Variants in DGKB observed in about 807,000 individuals in gnomAD.
DGKB encodes 90 kDa diacylglycerol kinase.
Under a neutral mutation model 114.3 loss-of-function variants are expected in DGKB, and 67 were observed. That is an observed-to-expected ratio of 0.59 (90% CI 0.48 to 0.72). The LOEUF is 0.72. DGKB is among the 30% of genes least tolerant of loss of function. DGKB has a pLI of 0.00. For missense variants in DGKB, 907 were observed against 975.2 expected (o/e 0.93, Z 0.93); for synonymous variants, 398 against 323.1 (o/e 1.23, Z -2.49).
chr7:14,722,694 C>A (rs2128362625), intron 5 of DGKB, among the ~76,000 whole-genome samples: 1 of 151,404 alleles, frequency 6.6e-6, no homozygotes, highest in East Asian at 1.9e-4. Context: ...TGCTTGTAGT[C>A]CCAGATACTT....
chr7:14,655,459 T>A (rs1815574851), intron 13 of DGKB, among the ~76,000 whole-genome samples: 1 of 151,782 alleles, frequency 6.6e-6, no homozygotes, highest in Admixed American at 6.6e-5. Flanking sequence ...GTACAACTAT[T>A]ATGAAAAACA....
intron 21 of DGKB, among the ~76,000 whole-genome samples, chr7:14,417,913 C>T (rs1825962206): frequency 1.3e-5 from 2 of 151,218 alleles, no homozygotes; most frequent in South Asian, 4.2e-4. Flanking sequence ...TGGATGGAAA[C>T]CTTCTAGAAT....
At chr7:14,243,084 A>G (rs911567407) in intron 23 of DGKB, among the ~76,000 whole-genome samples, 10 of 152,272 alleles carry the variant, frequency 6.6e-5, no homozygotes, top group Admixed American at 2.0e-4. Context: ...GGAAAAGTCT[A>G]TGAGGAAATG....
At chr7:14,568,973 G>A (rs1388899473) in intron 20 of DGKB, among the ~76,000 whole-genome samples, 1 of 152,128 alleles carries the variant, frequency 6.6e-6, no homozygotes, top group African/African-American at 2.4e-5. Context: ...TGCTGTTATA[G>A]CATAAAGTTG....
intron 4 of DGKB, among the ~76,000 whole-genome samples, chr7:14,746,166 C>A (rs559688863): frequency 6.6e-5 from 10 of 152,226 alleles, no homozygotes; most frequent in African/African-American, 2.4e-4. Context: ...TGGCAAAACC[C>A]CGTCTCTACT....
chr7:14,549,990 A>C (rs1347011348), intron 20 of DGKB, among the ~76,000 whole-genome samples: 2 of 152,122 alleles, frequency 1.3e-5, no homozygotes, highest in Non-Finnish European at 2.9e-5. Context: ...TGTCTAAAAA[A>C]AAAAAACAAA....
chr7:14,149,663 C>T (rs1052836642), intron 25 of DGKB, among the ~76,000 whole-genome samples: 16 of 152,166 alleles, frequency 1.1e-4, no homozygotes, highest in Middle Eastern at 3.4e-3. Flanking sequence ...TCAAGATGTA[C>T]TTGGTATCAA....
At chr7:14,356,424 C>G (rs144450554) in intron 21 of DGKB, among the ~76,000 whole-genome samples, 1 of 141,872 alleles carries the variant, frequency 7.0e-6, no homozygotes, top group African/African-American at 2.6e-5. Context: ...TGCAGTGGCA[C>G]GATCTCGGCT....
At chr7:14,355,489 G>T (rs76905226) in intron 21 of DGKB, among the ~76,000 whole-genome samples, 79 of 152,176 alleles carry the variant, frequency 5.2e-4, no homozygotes, top group African/African-American at 1.7e-3. Flanking sequence ...TAGCATGAAG[G>T]GCTGTTGAAT....
rs560383757 is a variant in DGKB at position 14,235,570 on chromosome 7, A to G, written c.2123-57419T>C. On this transcript the variant is annotated intron_variant, in intron 23 of 25. Transcript: ENST00000402815. ...TGTTTTGAAAATCAGTGGCTCATGT[A>G]GTTTTGTAAATAAAAATGTGCAACT... 2.6e-5 allele frequency among the ~76,000 whole-genome samples: 4 copies of G among 152,178 alleles called. No homozygotes were observed. In the East Asian group the frequency reaches 7.8e-4, roughly 30 times the overall value.
chr7:14,307,500 G>A (rs564475959), intron 23 of DGKB, among the ~76,000 whole-genome samples: 20 of 152,200 alleles, frequency 1.3e-4, no homozygotes, highest in African/African-American at 2.6e-4. Context: ...TGAGCAGTTC[G>A]CTGCTGTATA....
At chr7:14,378,420 G>C (rs1332546525) in intron 21 of DGKB, among the ~76,000 whole-genome samples, 5 of 151,944 alleles carry the variant, frequency 3.3e-5, no homozygotes, top group African/African-American at 1.2e-4. Context: ...CTAACTTTAG[G>C]GAAAAGTAGA....
At chr7:14,276,181 G>C (rs1798959587) in intron 23 of DGKB, among the ~76,000 whole-genome samples, 1 of 151,982 alleles carries the variant, frequency 6.6e-6, no homozygotes, top group Admixed American at 6.6e-5. Flanking sequence ...TCAGTATTTG[G>C]TAACAGAAAA....
At chr7:14,872,335 T>C (rs1007669800) in intron 1 of DGKB, among the ~76,000 whole-genome samples, 3 of 152,174 alleles carry the variant, frequency 2.0e-5, no homozygotes, top group African/African-American at 7.2e-5. Flanking sequence ...TTGCTGATGA[T>C]TCCAGAGGCA....
At chr7:14,548,552 A>G (rs1458220313) in intron 20 of DGKB, among the ~76,000 whole-genome samples, 1 of 152,196 alleles carries the variant, frequency 6.6e-6, no homozygotes, top group East Asian at 1.9e-4. Context: ...AGTTTCATCC[A>G]AACAGAATTG....
At chr7:14,660,812 G>A (rs2128923064) in intron 13 of DGKB, among the ~76,000 whole-genome samples, 1 of 151,970 alleles carries the variant, frequency 6.6e-6, no homozygotes, top group Non-Finnish European at 1.5e-5. Context: ...TATACTACAA[G>A]GCTACAGTAA....
At chr7:14,334,074 A>T (rs1000356537) in intron 23 of DGKB, among the ~76,000 whole-genome samples, 1 of 152,176 alleles carries the variant, frequency 6.6e-6, no homozygotes, top group Admixed American at 6.5e-5. Flanking sequence ...GAGGAAAAAT[A>T]CATCTTATGG....
chr7:14,810,348 C>G (rs1336353184), intron 2 of DGKB, among the ~76,000 whole-genome samples: 1 of 151,734 alleles, frequency 6.6e-6, no homozygotes, highest in Non-Finnish European at 1.5e-5. Flanking sequence ...AAACTTGACT[C>G]TCATTGTTAT....
At chr7:14,594,711 G>A (rs1477194267) in intron 17 of DGKB, among the ~76,000 whole-genome samples, 1 of 152,012 alleles carries the variant, frequency 6.6e-6, no homozygotes, top group Non-Finnish European at 1.5e-5. Context: ...TTAGAATGAG[G>A]TTTTATTCTG....
Sources: allele counts gnomAD v4.1 joint callset (sites outside exome capture counted in the v4.1 genomes callset), GRCh38; gene constraint gnomAD v4.1.1; transcripts MANE v1.5; gene names NCBI Gene and HGNC (gene_info 2026-07-23, HGNC 2026-07-21).